SIRPB2: variants seen among roughly 807,000 people sequenced by gnomAD.
SIRPB2 encodes the protein signal regulatory protein beta 2, also known as signal-regulatory protein beta-2.
In SIRPB2, 18 loss-of-function variants were observed where a neutral mutation model predicts 27.1. That is an observed-to-expected ratio of 0.66 (90% CI 0.46 to 0.98). The LOEUF (loss-of-function observed/expected upper bound fraction) is 0.98. Ranked by LOEUF, SIRPB2 falls within the 50% of genes least tolerant of loss-of-function variation. The pLI is 0.00. For missense variants in SIRPB2, 420 were observed against 417.4 expected (o/e 1.01, Z -0.06); for synonymous variants, 150 against 164.6 (o/e 0.91, Z 0.68).
chr20:1,476,426 C>T (rs2090607102), intron 4 of SIRPB2, 90 bp from the exon 5 acceptor site: 14 of 1,309,432 alleles, frequency 1.1e-5, no homozygotes, highest in Non-Finnish European at 1.5e-5. Context: ...AGGTCACATC[C>T]TGCTGCTGTA....
intron 2 of SIRPB2, 108 bp downstream of exon 2, chr20:1,479,592 T>A: frequency 6.7e-7 from 1 of 1,483,778 alleles, no homozygotes; most frequent in Non-Finnish European, 9.1e-7. Context: ...TATGTATTGT[T>A]GTATGCCACT....
rs77849652 is a variant in SIRPB2 at position 1,488,124 on chromosome 20, G to A, written c.85+3151C>T. 4.6e-3 allele frequency among the ~76,000 whole-genome samples: 706 copies of A among 152,064 alleles called. 1 individual carries two copies. Among genetic ancestry groups the A allele is most frequent in the African/African-American group, 0.016 (671 of 41,486 alleles). The stretch of plus-strand genomic sequence containing the variant: ...TAAAAATTAAGAACTCCTGCTGTTC[G>A]GAAAACACTTGTAAAAGAATAAAAA... On this transcript the variant is annotated intron_variant, in intron 1 of 4. Coordinates refer to ENST00000359801, the MANE Select transcript of SIRPB2 (RefSeq NM_001122962.2).
chr20:1,478,349 G>A lies in SIRPB2; in HGVS notation c.710C>T (p.Ala237Val). 6.2e-7 allele frequency: 1 copy of A among 1,614,204 alleles called. No homozygotes were observed. Among genetic ancestry groups the A allele is most frequent in the South Asian group, 1.1e-5 (1 of 91,086 alleles). ...AAACTTTACACAGTAATAGGTGCCT[G>A]CATCCTCACTGGAGACGTTTTGCAG... Reference protein sequence around the residue: ...ILLQNVSSEDAGTYYCVKFQR... With the variant: ...ILLQNVSSEDVGTYYCVKFQR... Residue 237 changes from alanine to valine, a missense_variant, in exon 3 of 5, where the codon GCA (alanine) becomes GTA (valine). By Grantham distance (64) the Ala-to-Val change is moderately conservative (BLOSUM62 0). Transcript: ENST00000359801.
chr20:1,478,494 C>G lies in SIRPB2; in HGVS notation c.565G>C (p.Gly189Arg). ...NCTVLGDGPPGPIRWFQGAGL... is the reference protein window; with the variant it reads ...NCTVLGDGPPRPIRWFQGAGL... ...GCTCCCTGGAACCACCTGATGGGTC[C>G]AGGGGGACCGTCTCCAAGCACTGTG... The change falls in exon 3 of 5, where the codon GGA becomes CGA. Residue 189 changes from glycine (G) to arginine (R), a missense_variant. Coordinates refer to ENST00000359801, the MANE Select transcript of SIRPB2 (RefSeq NM_001122962.2). The G allele has an allele frequency of 6.2e-7, 1 of 1,614,112 alleles. No homozygotes were observed. Among genetic ancestry groups the G allele is most frequent in the Non-Finnish European group, 8.5e-7 (1 of 1,180,036 alleles).
At chr20:1,489,549 C>T (rs188438607) in intron 1 of SIRPB2, among the ~76,000 whole-genome samples, 1 of 152,260 alleles carries the variant, frequency 6.6e-6, no homozygotes, top group Non-Finnish European at 1.5e-5. Context: ...GCCCACACCC[C>T]TTCCCTCCCT....
At chr20:1,480,860 G>T (rs2090664464) in intron 1 of SIRPB2, among the ~76,000 whole-genome samples, 1 of 152,234 alleles carries the variant, frequency 6.6e-6, no homozygotes, top group South Asian at 2.1e-4. Flanking sequence ...TGTTTCTGGA[G>T]CTCTGGCTAT....
chr20:1,477,865 G>A (rs1053974701), intron 3 of SIRPB2, among the ~76,000 whole-genome samples: 1 of 152,130 alleles, frequency 6.6e-6, no homozygotes, highest in African/African-American at 2.4e-5. Context: ...ATTACAGACG[G>A]GGTTTCACCG....
chr20:1,482,330 G>A (rs6135062), intron 1 of SIRPB2, among the ~76,000 whole-genome samples: 27,069 of 151,978 alleles, frequency 0.18, 3,532 homozygotes, highest in East Asian at 0.74. Context: ...ATTAAAATTT[G>A]TTCCTTTTAT....
intron 1 of SIRPB2, among the ~76,000 whole-genome samples, chr20:1,481,254 G>A (rs1942742348): frequency 6.6e-6 from 1 of 152,118 alleles, no homozygotes; most frequent in South Asian, 2.1e-4. Flanking sequence ...GTGCTCAAGT[G>A]ATTCCTTCCC....
intron 1 of SIRPB2, among the ~76,000 whole-genome samples, chr20:1,484,011 A>G (rs1045536951): frequency 6.6e-6 from 1 of 152,236 alleles, no homozygotes; most frequent in African/African-American, 2.4e-5. Flanking sequence ...TACATAGACC[A>G]ATGGTATAAT....
At chr20:1,478,704 A>T in intron 2 of SIRPB2, 97 bp from the exon 3 acceptor site, 1 of 1,042,270 alleles carries the variant, frequency 9.6e-7, no homozygotes. Flanking sequence ...TTCTTTCCAG[A>T]TTTCTTCACT....
Position 1,475,529 on chromosome 20 carries a change from C to G in SIRPB2, c.*638G>C, listed in dbSNP as rs192584455. 6.6e-6 allele frequency: 1 copy of G among 152,298 alleles called. No homozygotes were observed. Among genetic ancestry groups the G allele is most frequent in the East Asian group, 1.9e-4 (1 of 5,182 alleles). 9.4% of individuals were successfully genotyped at this position (152,298 alleles called of 1,614,324 possible). The stretch of plus-strand genomic sequence containing the variant: ...CAGTCTGGCTGCCTAGAAGGTGGAC[C>G]TGGTAGCAATGAGATCAGTGAATCC... On this transcript the variant is annotated 3_prime_UTR_variant, in exon 5 of 5. Coordinates refer to ENST00000359801, the MANE Select transcript of SIRPB2 (RefSeq NM_001122962.2).
At chr20:1,490,605 C>G (rs1250761649) in intron 1 of SIRPB2, among the ~76,000 whole-genome samples, 1 of 152,174 alleles carries the variant, frequency 6.6e-6, no homozygotes, top group Non-Finnish European at 1.5e-5. Flanking sequence ...TGGGTATTAT[C>G]TTGTTAAATT....
Position 1,491,355 on chromosome 20 carries a change from C to T in SIRPB2, c.5G>A (p.Cys2Tyr). ...GCAGGTGGGGGCCGACATCGTGGAGCACATGGCATCTTCTGTGGTCCCCAA... is the reference window on the plus strand; with the variant it reads ...GCAGGTGGGGGCCGACATCGTGGAGTACATGGCATCTTCTGTGGTCCCCAA... M[C>Y]STMSAPTCLA... is the part of the protein sequence containing the mutation. Residue 2 changes from cysteine (C) to tyrosine (Y), a missense_variant, in exon 1 of 5, where the codon TGC becomes TAC. By Grantham distance (194) the Cys-to-Tyr change is radical. Coordinates refer to ENST00000359801, the MANE Select transcript of SIRPB2 (RefSeq NM_001122962.2). The T allele has an allele frequency of 6.2e-7, 1 of 1,608,672 alleles. No homozygotes were observed. The highest frequency in any genetic ancestry group is 8.5e-7 in the Non-Finnish European group (1 of 1,178,152).
In SIRPB2 at chr20:1,480,038, T is replaced by C; in HGVS notation, c.113A>G (p.Asp38Gly). Residue 38 changes from aspartate (D) to glycine (G), a missense_variant, in exon 2 of 5, where the codon GAC becomes GGC. Coordinates refer to ENST00000359801, the MANE Select transcript of SIRPB2 (RefSeq NM_001122962.2). ...GCCCTCGGGCTGTAGCACCTGCCAG[T>C]CATTCCTGCTGCTCTGCCCAGAGGC... Reference protein sequence around the residue: ...SDASGQSSRNDWQVLQPEGPM... With the variant: ...SDASGQSSRNGWQVLQPEGPM... 6.2e-7 allele frequency: 1 copy of C among 1,613,224 alleles called. No individual in the cohort carries two copies. Among genetic ancestry groups the C allele is most frequent in the Non-Finnish European group, 8.5e-7 (1 of 1,179,688 alleles).
chr20:1,482,721 A>C lies in SIRPB2; in HGVS notation c.86-2656T>G, dbSNP rs549944059. Among the ~76,000 whole-genome samples, 6 of 151,730 alleles carry C rather than the reference A, an allele frequency of 4.0e-5. No homozygotes were observed. The East Asian group carries it at 5.8e-4, about 15-fold the overall frequency. On this transcript the variant is annotated intron_variant, in intron 1 of 4. Transcript: ENST00000359801. The stretch of plus-strand genomic sequence containing the variant: ...TACAGCTTACTTCACTTAACATAAT[A>C]ATCTCCAGTTCCATCCGTGTTGCTG...
At chr20:1,470,791 G>C (rs554609530), downstream of SIRPB2, 1 of 152,124 alleles carries the variant, frequency 6.6e-6, no homozygotes, top group African/African-American at 2.4e-5. Flanking sequence ...TTACTAGCGC[G>C]TACAAACACA....
intron 2 of SIRPB2, 170 bp downstream of exon 2, chr20:1,479,530 A>G (rs2090644649): frequency 1.9e-6 from 2 of 1,028,122 alleles, no homozygotes; most frequent in Non-Finnish European, 2.8e-6. Context: ...GGCATGAGAC[A>G]TGAGGAGTGG....
chr20:1,485,666 C>T (rs79809366), intron 1 of SIRPB2, among the ~76,000 whole-genome samples: 15,281 of 151,456 alleles, frequency 0.1, 913 homozygotes, highest in Admixed American at 0.18. Context: ...CACACACACA[C>T]ACACACAGAA....
Sources: allele counts gnomAD v4.1 joint callset (sites outside exome capture counted in the v4.1 genomes callset), GRCh38; gene constraint gnomAD v4.1.1; transcripts MANE v1.5; gene names NCBI Gene and HGNC (gene_info 2026-07-23, HGNC 2026-07-21).